The following GNA14 variants were observed in gnomAD, a reference collection of about 807,000 sequenced individuals.
GNA14 encodes the protein G protein subunit alpha 14, also known as guanine nucleotide-binding protein subunit alpha-14.
In GNA14, 50 loss-of-function variants were observed where a neutral mutation model predicts 42.0. The observed-to-expected ratio is 1.19, with a 90% CI of 0.95 to 1.51. GNA14 has a LOEUF of 1.51. GNA14 is among the 40% of genes most tolerant of loss of function. The pLI is 0.00. For missense variants in GNA14, 473 were observed against 446.2 expected, an observed-to-expected ratio of 1.06 and a Z score of -0.54; for synonymous variants, 173 against 163.1, an observed-to-expected ratio of 1.06 and a Z score of -0.46.
Position 77,531,023 on chromosome 9 carries a change from T to C in GNA14, c.125-1770A>G, listed in dbSNP as rs1837520037. On this transcript the variant is annotated intron_variant, in intron 1 of 6. Coordinates refer to ENST00000341700, the MANE Select transcript of GNA14 (RefSeq NM_004297.4). ...CTAGAAAGGATTTCCTTCCCCTGCA[T>C]GCCACCAACAGTTAGCCCTGCCTGC... is the stretch of plus-strand genomic sequence containing the variant. Among the ~76,000 whole-genome samples the C allele has an allele frequency of 2.0e-5, 3 of 152,226 alleles. 1 individual carries two copies. The highest frequency in any genetic ancestry group is 4.1e-4 in the South Asian group (2 of 4,832).
chr9:77,647,406 G>A (rs1364709423), intron 1 of GNA14, among the ~76,000 whole-genome samples: 1 of 152,212 alleles, frequency 6.6e-6, no homozygotes, highest in Non-Finnish European at 1.5e-5. Flanking sequence ...ATAAGGTACA[G>A]CGGTCAAGAG....
chr9:77,573,816 T>G lies in GNA14; in HGVS notation c.125-44563A>C, dbSNP rs73651547. 5.1e-3 allele frequency among the ~76,000 whole-genome samples: 784 copies of G among 152,262 alleles called. 9 individuals are homozygous for G. The highest frequency in any genetic ancestry group is 0.018 in the African/African-American group (746 of 41,550). ...TCTCTGTGGTTATTAGACCAGAGGTTGGGGGAAACTTTAGTGTTGGCATGT... is the reference window on the plus strand; with the variant it reads ...TCTCTGTGGTTATTAGACCAGAGGTGGGGGGAAACTTTAGTGTTGGCATGT... On this transcript the variant is annotated intron_variant, in intron 1 of 6. Transcript: ENST00000341700.
At chr9:77,564,903 G>A (rs1211234411) in intron 1 of GNA14, among the ~76,000 whole-genome samples, 1 of 151,904 alleles carries the variant, frequency 6.6e-6, no homozygotes, top group Non-Finnish European at 1.5e-5. Context: ...TCCAGTCCAG[G>A]GGCGTTCTTC....
Position 77,546,086 on chromosome 9 carries a change from G to A in GNA14, c.125-16833C>T, listed in dbSNP as rs548693648. On this transcript the variant is annotated intron_variant, in intron 1 of 6. Transcript: ENST00000341700. The stretch of plus-strand genomic sequence containing the variant: ...ACAAAAAATAGCCGGGCGTGGTGGC[G>A]GGTGCCTGTAATCCCAGTTACATGG... Among the ~76,000 whole-genome samples, 282 of 151,756 alleles carry A rather than the reference G, an allele frequency of 1.9e-3. 1 individual carries two copies. Among genetic ancestry groups the A allele is most frequent in the African/African-American group, 6.2e-3 (258 of 41,408 alleles).
chr9:77,484,403 C>G (rs1836619093), intron 2 of GNA14, among the ~76,000 whole-genome samples: 1 of 151,074 alleles, frequency 6.6e-6, no homozygotes, highest in Admixed American at 6.6e-5. Flanking sequence ...TTAGAAATGG[C>G]TCAACTGTGA....
chr9:77,520,107 TA>T lies in GNA14; in HGVS notation c.309+8961del, dbSNP rs931951725. Among the ~76,000 whole-genome samples the T allele has an allele frequency of 3.0e-4, 46 of 152,332 alleles. 1 individual carries two copies. The East Asian group carries it at 7.5e-3, about 25-fold the overall frequency. ...TTTCACCCCTTAAATTTATTTTTTTTAAAACTTTTAATACAGAGGGGATGCT... is the reference window on the plus strand; with the variant it reads ...TTTCACCCCTTAAATTTATTTTTTTTAAACTTTTAATACAGAGGGGATGCT... On this transcript the variant is annotated intron_variant, in intron 2 of 6. Coordinates refer to ENST00000341700, the MANE Select transcript of GNA14 (RefSeq NM_004297.4).
At position 77,424,287 on chromosome 9, in the gene GNA14, G is replaced by C. The variant is rs535856676; in HGVS notation, c.878-118C>G. The C allele has an allele frequency of 8.3e-4, 501 of 606,446 alleles. 4 individuals are homozygous for C. The highest frequency in any genetic ancestry group is 5.8e-3 in the South Asian group (210 of 36,294). 37.6% of individuals were successfully genotyped at this position (606,446 alleles called of 1,614,324 possible). A position where few individuals can be genotyped will look rare whatever the true frequency, so the allele number is the denominator to read the frequency against. On this transcript the variant is annotated intron_variant, in intron 6 of 6. Coordinates refer to ENST00000341700, the MANE Select transcript of GNA14 (RefSeq NM_004297.4). ...GCCCAGGCTGGAGTGCAGTGGCACG[G>C]TCTCAGCTCACTGCAACCTCTGCTT...
chr9:77,524,683 T>A (rs66726486), intron 2 of GNA14, among the ~76,000 whole-genome samples: 11,847 of 152,216 alleles, frequency 0.078, 1,554 homozygotes, highest in African/African-American at 0.27. Context: ...AGCATGGTAC[T>A]TTGTCACAGT....
intron 2 of GNA14, among the ~76,000 whole-genome samples, chr9:77,451,342 TGTG>T (rs2131704119): frequency 6.6e-6 from 1 of 152,364 alleles, no homozygotes; most frequent in South Asian, 2.1e-4. Context: ...TATTTGTTGT[TGTG>T]GACATTCTTT....
intron 1 of GNA14, among the ~76,000 whole-genome samples, chr9:77,633,115 G>A (rs145827870): frequency 1.3e-5 from 2 of 152,256 alleles, no homozygotes; most frequent in East Asian, 3.9e-4. Context: ...AAAATTTAGA[G>A]GCTAGCGGAG....
chr9:77,515,979 A>AAAAAAAAAAAAAAAC, intron 2 of GNA14, among the ~76,000 whole-genome samples: 1 of 147,458 alleles, frequency 6.8e-6, no homozygotes, highest in African/African-American at 2.6e-5. Context: ...AAAAAAAAAA[A>AAAAAAAAAAAAAAAC]AAAACCCAGA....
At chr9:77,460,848 G>A (rs1313340147) in intron 2 of GNA14, among the ~76,000 whole-genome samples, 1 of 152,184 alleles carries the variant, frequency 6.6e-6, no homozygotes, top group African/African-American at 2.4e-5. Flanking sequence ...GCCAGGTCCA[G>A]TGTCGTTGAC....
intron 2 of GNA14, among the ~76,000 whole-genome samples, chr9:77,475,636 A>G (rs1741963032): frequency 6.6e-6 from 1 of 152,116 alleles, no homozygotes; most frequent in Non-Finnish European, 1.5e-5. Context: ...CCTCTCCTCT[A>G]AATCTCACCA....
At chr9:77,478,512 G>C (rs1422739835) in intron 2 of GNA14, among the ~76,000 whole-genome samples, 2 of 152,128 alleles carry the variant, frequency 1.3e-5, no homozygotes, top group African/African-American at 4.8e-5. Context: ...CTTTATAGCA[G>C]CATGATTTAT....
chr9:77,538,724 A>T (rs980966050), intron 1 of GNA14, among the ~76,000 whole-genome samples: 1 of 151,796 alleles, frequency 6.6e-6, no homozygotes, highest in Non-Finnish European at 1.5e-5. Context: ...TTTCTTTTTC[A>T]GCTGGTTCAC....
chr9:77,614,027 G>A (rs1435754132), intron 1 of GNA14, among the ~76,000 whole-genome samples: 1 of 152,162 alleles, frequency 6.6e-6, no homozygotes, highest in East Asian at 1.9e-4. Context: ...AATATGCTGG[G>A]CTCTGTTGCA....
chr9:77,595,650 C>T (rs778723315), intron 1 of GNA14, among the ~76,000 whole-genome samples: 6 of 152,208 alleles, frequency 3.9e-5, no homozygotes, highest in African/African-American at 1.4e-4. Context: ...CATTGCGCTT[C>T]TCATTTCCTT....
chr9:77,588,822 CAAATAT>C (rs1170522400), intron 1 of GNA14, among the ~76,000 whole-genome samples: 2 of 152,144 alleles, frequency 1.3e-5, no homozygotes, highest in Non-Finnish European at 2.9e-5. Flanking sequence ...CTCTGTTCCA[CAAATAT>C]ATACTGGGTG....
chr9:77,466,287 T>C (rs1292628018), intron 2 of GNA14, among the ~76,000 whole-genome samples: 1 of 152,068 alleles, frequency 6.6e-6, no homozygotes, highest in Non-Finnish European at 1.5e-5. Flanking sequence ...TCTGAGACCA[T>C]GCTTCCTTTT....
Sources: allele counts gnomAD v4.1 joint callset (sites outside exome capture counted in the v4.1 genomes callset), GRCh38; gene constraint gnomAD v4.1.1; transcripts MANE v1.5; gene names NCBI Gene and HGNC (gene_info 2026-07-23, HGNC 2026-07-21).